The following PDE11A variants were observed in gnomAD, a reference collection of about 807,000 sequenced individuals.
PDE11A encodes the protein dual 3',5'-cyclic-AMP and -GMP phosphodiesterase 11A.
A neutral mutation model predicts 100.5 loss-of-function variants in PDE11A; 100 were observed. The ratio of observed to expected loss-of-function variants is 1.00; its 90% CI spans 0.85 to 1.18. The LOEUF (loss-of-function observed/expected upper bound fraction) is 1.18, where lower values mean the gene tolerates loss of function less well. Ranked by LOEUF, PDE11A falls within the 50% of genes most tolerant of loss-of-function variation. PDE11A has a pLI of 0.00. For missense variants in PDE11A, 1,141 were observed against 1,152.6 expected (o/e 0.99, Z 0.15); for synonymous variants, 381 against 420.8 (o/e 0.91, Z 1.16).
intron 19 of PDE11A, among the ~76,000 whole-genome samples, chr2:177,631,539 A>ATACACATGTGTATATATATATATATATC (rs1553529139): frequency 1.0e-3 from 28 of 27,318 alleles, no homozygotes; most frequent in Middle Eastern, 0.031. Context: ...ATATATATAT[A>ATACACATGTGTATATATATATATATATC]TATATATACA....
At chr2:177,827,707 A>G (rs1335867498) in intron 6 of PDE11A, among the ~76,000 whole-genome samples, 1 of 152,244 alleles carries the variant, frequency 6.6e-6, no homozygotes, top group Non-Finnish European at 1.5e-5. Context: ...ATGATATACT[A>G]AAGTGCAACT....
intron 3 of PDE11A, among the ~76,000 whole-genome samples, chr2:177,900,123 T>C (rs2084674524): frequency 6.6e-6 from 1 of 152,166 alleles, no homozygotes; most frequent in Non-Finnish European, 1.5e-5. Context: ...ATAATATTTG[T>C]TTGGAATTTT....
At chr2:177,631,148 TGGTGA>T (rs2079912610) in intron 19 of PDE11A, among the ~76,000 whole-genome samples, 1 of 151,700 alleles carries the variant, frequency 6.6e-6, no homozygotes, top group African/African-American at 2.4e-5. Context: ...TGTTTCTAAC[TGGTGA>T]AATGATCAGA....
chr2:177,997,663 A>G, intron 2 of PDE11A: 1 of 1,541,842 alleles, frequency 6.5e-7, no homozygotes. Context: ...GAAATCTTTG[A>G]GTTTTTCTGC....
chr2:177,964,579 CTTCT>C (rs2085675660), intron 2 of PDE11A, among the ~76,000 whole-genome samples: 1 of 152,136 alleles, frequency 6.6e-6, no homozygotes, highest in African/African-American at 2.4e-5. Flanking sequence ...CTATTGTTCC[CTTCT>C]TTGTGTCCAT....
chr2:177,929,189 C>G (rs10186239), intron 2 of PDE11A, among the ~76,000 whole-genome samples: 13,157 of 152,126 alleles, frequency 0.086, 540 homozygotes, highest in South Asian at 0.1. Context: ...TCGGATGGCT[C>G]TTCCCTCCTT....
At chr2:177,820,350 T>C (rs2083118679) in intron 6 of PDE11A, 55 bp from the exon 7 acceptor site, 13 of 1,001,130 alleles carry the variant, frequency 1.3e-5, no homozygotes, top group Non-Finnish European at 2.1e-5. Context: ...TCATTTTTGA[T>C]TTACATTTTT....
At chr2:177,988,818 T>C (rs916042634) in intron 2 of PDE11A, among the ~76,000 whole-genome samples, 14 of 152,202 alleles carry the variant, frequency 9.2e-5, no homozygotes, top group African/African-American at 2.7e-4. Flanking sequence ...AGCCTGGTCA[T>C]ATGACAGGTA....
chr2:178,036,823 A>G (rs985173667), intron 1 of PDE11A, among the ~76,000 whole-genome samples: 1 of 152,216 alleles, frequency 6.6e-6, no homozygotes, highest in African/African-American at 2.4e-5. Flanking sequence ...AGCCATATGC[A>G]GAAAACAGAA....
chr2:177,628,981 G>A lies in PDE11A; in HGVS notation c.*426C>T. The A allele has an allele frequency of 4.5e-6, 1 of 219,898 alleles. No homozygotes were observed. Among genetic ancestry groups the A allele is most frequent in the Non-Finnish European group, 9.2e-6 (1 of 108,824 alleles). The allele number at this position is 219,898 out of a possible 1,614,324, so 13.6% of individuals were successfully genotyped here. On this transcript the variant is annotated 3_prime_UTR_variant, in exon 20 of 20. Transcript: ENST00000286063. Reference sequence around the variant, plus strand: ...CAGTCTGGCACAAAAAGGCATTCAGGGACAGGAAGCAAAGACAGGCAGTGT... The same window carrying A: ...CAGTCTGGCACAAAAAGGCATTCAGAGACAGGAAGCAAAGACAGGCAGTGT...
At chr2:178,063,434 C>T (rs556477445) in intron 1 of PDE11A, among the ~76,000 whole-genome samples, 53 of 152,186 alleles carry the variant, frequency 3.5e-4, no homozygotes, top group African/African-American at 1.3e-3. Flanking sequence ...ACCCTAGAAA[C>T]GGGAGGCATG....
At chr2:177,695,997 T>A (rs1208853093) in intron 15 of PDE11A, among the ~76,000 whole-genome samples, 1 of 152,078 alleles carries the variant, frequency 6.6e-6, no homozygotes, top group Non-Finnish European at 1.5e-5. Flanking sequence ...TGGTGATACA[T>A]CAGGGCACAG....
intron 11 of PDE11A, 124 bp from the exon 12 acceptor site, chr2:177,727,889 G>T (rs1483202868): frequency 4.1e-6 from 4 of 975,292 alleles, no homozygotes; most frequent in Admixed American, 1.8e-5. Flanking sequence ...CATCTCTTCT[G>T]GTTCTCACAG....
intron 2 of PDE11A, among the ~76,000 whole-genome samples, chr2:178,009,342 G>T (rs537311598): frequency 6.6e-6 from 1 of 152,124 alleles, no homozygotes; most frequent in Non-Finnish European, 1.5e-5. Flanking sequence ...AGAAAATTCC[G>T]ATCATCTCTC....
At chr2:177,674,614 T>C (rs541659232) in intron 17 of PDE11A, among the ~76,000 whole-genome samples, 3 of 152,354 alleles carry the variant, frequency 2.0e-5, no homozygotes, top group Middle Eastern at 6.8e-3. Flanking sequence ...TTTGCAAAGA[T>C]ACTCTTTCCT....
At chr2:177,786,008 C>T (rs2082531650) in intron 9 of PDE11A, among the ~76,000 whole-genome samples, 1 of 152,144 alleles carries the variant, frequency 6.6e-6, no homozygotes, top group African/African-American at 2.4e-5. Flanking sequence ...CTTAAATGTC[C>T]CTGTCTGACA....
In PDE11A at chr2:177,778,013, A is replaced by G. The variant is rs145437049; in HGVS notation, c.1738-8640T>C. On this transcript the variant is annotated intron_variant, in intron 9 of 19. Transcript: ENST00000286063. The stretch of plus-strand genomic sequence containing the variant: ...CTATTTGCAAAACCATACCAACTTT[A>G]ATTAACTTTTGGATTGAACTTGCTT... Among the ~76,000 whole-genome samples the G allele has an allele frequency of 3.0e-3, 453 of 152,376 alleles. 3 individuals are homozygous for G. The highest frequency in any genetic ancestry group is 0.01 in the African/African-American group (420 of 41,588).
intron 2 of PDE11A, among the ~76,000 whole-genome samples, chr2:177,983,707 A>AT: frequency 1.3e-5 from 2 of 152,274 alleles, no homozygotes; most frequent in Non-Finnish European, 1.5e-5. Context: ...GTTTCTTAAT[A>AT]TTTTTTATTT....
chr2:177,713,423 T>C (rs1260373804), intron 12 of PDE11A, among the ~76,000 whole-genome samples: 2 of 152,172 alleles, frequency 1.3e-5, no homozygotes, highest in Non-Finnish European at 2.9e-5. Flanking sequence ...AAATAGTCCA[T>C]GTCAAAGCTT....
Sources: allele counts gnomAD v4.1 joint callset (sites outside exome capture counted in the v4.1 genomes callset), GRCh38; gene constraint gnomAD v4.1.1; transcripts MANE v1.5; gene names NCBI Gene and HGNC (gene_info 2026-07-23, HGNC 2026-07-21).